Variants in PLCG2 observed in about 807,000 individuals in gnomAD.
PLCG2 encodes the protein phospholipase C gamma 2.
PLCG2 carries 69 observed loss-of-function variants against 175.6 expected under a neutral mutation model. The ratio of observed to expected loss-of-function variants is 0.39; its 90% confidence interval spans 0.32 to 0.48. The LOEUF (loss-of-function observed/expected upper bound fraction) is 0.48, where lower values mean the gene tolerates loss of function less well. Among genes scored for constraint, PLCG2 ranks in the 20% least tolerant of loss-of-function variants. The pLI, the probability that PLCG2 is intolerant of heterozygous loss-of-function variation, is 0.91. For missense variants in PLCG2, 1,798 were observed against 1,650.9 expected, an observed-to-expected ratio of 1.09 and a Z score of -1.54; for synonymous variants, 827 against 624.0, an observed-to-expected ratio of 1.33 and a Z score of -4.85.
intron 17 of PLCG2, among the ~76,000 whole-genome samples, chr16:81,910,054 C>T (rs993627920): frequency 9.9e-5 from 15 of 151,958 alleles, no homozygotes; most frequent in African/African-American, 3.1e-4. Flanking sequence ...GGAATCCAGG[C>T]TGAGGGTCTA....
intron 30 of PLCG2, among the ~76,000 whole-genome samples, chr16:81,945,847 T>C (rs1911128970): frequency 6.6e-6 from 1 of 152,232 alleles, no homozygotes; most frequent in African/African-American, 2.4e-5. Flanking sequence ...TCAGGAGTAT[T>C]TAAGGAATTG....
intron 9 of PLCG2, among the ~76,000 whole-genome samples, chr16:81,886,202 C>G (rs1015117435): frequency 1.3e-5 from 2 of 152,080 alleles, no homozygotes; most frequent in Non-Finnish European, 2.9e-5. Flanking sequence ...TGGTGGTTGA[C>G]TTTATTACGT....
intron 2 of PLCG2, among the ~76,000 whole-genome samples, chr16:81,830,647 G>GAT (rs112990942): frequency 0.026 from 3,905 of 149,524 alleles, 54 homozygotes; most frequent in Middle Eastern, 0.035. Flanking sequence ...AAATGTGTGG[G>GAT]GTGTGTGTGT....
intron 24 of PLCG2, 72 bp downstream of exon 24, chr16:81,928,696 C>A: frequency 6.0e-6 from 6 of 998,788 alleles, no homozygotes; most frequent in Non-Finnish European, 9.7e-6. Flanking sequence ...CCCCGCCCTA[C>A]ACAGGGAGGT....
intron 14 of PLCG2, 93 bp downstream of exon 14, chr16:81,900,873 C>A (rs1363201371): frequency 1.7e-6 from 2 of 1,156,258 alleles, no homozygotes. Flanking sequence ...CTATGTCCTA[C>A]TGGGCCTGCT....
chr16:81,741,594 G>C (rs139558735), intron 1 of PLCG2, among the ~76,000 whole-genome samples: 2 of 152,160 alleles, frequency 1.3e-5, no homozygotes, highest in Non-Finnish European at 2.9e-5. Flanking sequence ...CAGATCAGTT[G>C]AGGCCAGGAG....
At chr16:81,918,212 A>G (rs952830756) in intron 19 of PLCG2, among the ~76,000 whole-genome samples, 2 of 152,146 alleles carry the variant, frequency 1.3e-5, no homozygotes, top group African/African-American at 2.4e-5. Context: ...ATAAAATCCC[A>G]TTTATCCACT....
intron 2 of PLCG2, among the ~76,000 whole-genome samples, chr16:81,837,887 T>C (rs191655166): frequency 6.6e-6 from 1 of 152,300 alleles, no homozygotes. Context: ...ACAACATTCA[T>C]AGAACCCACT....
intron 1 of PLCG2, chr16:81,783,193 G>C: frequency 4.3e-6 from 2 of 467,294 alleles, no homozygotes; most frequent in Non-Finnish European, 8.6e-6. Flanking sequence ...ATGGCCTAGA[G>C]ACCTGGGAGT....
At chr16:81,942,528 C>T (rs1420215662) in intron 30 of PLCG2, among the ~76,000 whole-genome samples, 1 of 152,150 alleles carries the variant, frequency 6.6e-6, no homozygotes, top group Non-Finnish European at 1.5e-5. Flanking sequence ...TAAACTTCAC[C>T]CATTGTCATT....
chr16:81,847,801 G>A (rs1316475697), intron 2 of PLCG2, among the ~76,000 whole-genome samples: 1 of 152,140 alleles, frequency 6.6e-6, no homozygotes, highest in East Asian at 1.9e-4. Context: ...GGGATTTAAG[G>A]TATATGGAGG....
At chr16:81,881,217 T>A (rs527887252) in intron 8 of PLCG2, among the ~76,000 whole-genome samples, 1 of 152,136 alleles carries the variant, frequency 6.6e-6, no homozygotes, top group Non-Finnish European at 1.5e-5. Context: ...TTTCCCCGAA[T>A]GTGCCTCATG....
At chr16:81,877,206 G>A (rs1907834772) in intron 7 of PLCG2, among the ~76,000 whole-genome samples, 1 of 152,202 alleles carries the variant, frequency 6.6e-6, no homozygotes, top group Non-Finnish European at 1.5e-5. Context: ...TGTAATCCCA[G>A]CACTTTGGGA....
chr16:81,755,635 C>T (rs1027375438), intron 1 of PLCG2, among the ~76,000 whole-genome samples: 4 of 152,198 alleles, frequency 2.6e-5, no homozygotes, highest in Middle Eastern at 6.8e-3. Flanking sequence ...AAGTGATTCT[C>T]GTCCCTCAGC....
At chr16:81,853,160 A>G (rs1906503922) in intron 2 of PLCG2, among the ~76,000 whole-genome samples, 1 of 152,056 alleles carries the variant, frequency 6.6e-6, no homozygotes, top group Non-Finnish European at 1.5e-5. Flanking sequence ...ATGAAACCCC[A>G]TCTCTACTAA....
At chr16:81,902,164 C>G (rs1346664469) in intron 14 of PLCG2, among the ~76,000 whole-genome samples, 2 of 152,204 alleles carry the variant, frequency 1.3e-5, no homozygotes, top group African/African-American at 4.8e-5. Context: ...CCTGCAAGGA[C>G]TGTGGAATCT....
At chr16:81,898,483 G>C (rs1010320594) in intron 13 of PLCG2, 1 of 152,180 alleles carries the variant, frequency 6.6e-6, no homozygotes, top group Non-Finnish European at 1.5e-5. Context: ...TCCCAGGAGT[G>C]ATGAGGCTAT....
intron 21 of PLCG2, among the ~76,000 whole-genome samples, chr16:81,922,213 A>T (rs912418784): frequency 6.6e-6 from 1 of 152,158 alleles, no homozygotes; most frequent in Non-Finnish European, 1.5e-5. Context: ...AGCTCCTAGA[A>T]CCCACATTGC....
chr16:81,835,794 A>G (rs1469718510), intron 2 of PLCG2, among the ~76,000 whole-genome samples: 2 of 152,118 alleles, frequency 1.3e-5, no homozygotes, highest in African/African-American at 4.8e-5. Flanking sequence ...TGGAGGCTCT[A>G]GGGGAGGATC....
Sources: allele counts gnomAD v4.1 joint callset (sites outside exome capture counted in the v4.1 genomes callset), GRCh38; gene constraint gnomAD v4.1.1; transcripts MANE v1.5; gene names NCBI Gene and HGNC (gene_info 2026-07-23, HGNC 2026-07-21).